The following PKHD1L1 variants were observed in gnomAD, a reference collection of about 807,000 sequenced individuals.
PKHD1L1 encodes the protein PKHD1 like 1, also known as fibrocystin-L.
In PKHD1L1, 434 loss-of-function variants were observed where a neutral mutation model predicts 462.9. That is an observed-to-expected ratio of 0.94 (90% CI 0.87 to 1.02). The LOEUF (loss-of-function observed/expected upper bound fraction) is 1.02. PKHD1L1 is among the 50% of genes least tolerant of loss of function. PKHD1L1 has a pLI of 0.00. For missense variants in PKHD1L1, 5,202 were observed against 5,096.1 expected (o/e 1.02, Z -0.63); for synonymous variants, 1,781 against 1,750.0 (o/e 1.02, Z -0.44).
intron 2 of PKHD1L1, among the ~76,000 whole-genome samples, chr8:109,377,568 A>C (rs1251975092): frequency 6.6e-6 from 1 of 152,192 alleles, no homozygotes; most frequent in Non-Finnish European, 1.5e-5. Context: ...ATAGAGAAAA[A>C]TAATATTTAA....
In PKHD1L1 at chr8:109,443,678, G is replaced by A. The variant is rs2130750722; in HGVS notation, c.4567G>A (p.Gly1523Arg). 4 of 1,609,848 alleles carry A rather than the reference G, an allele frequency of 2.5e-6. No homozygotes were observed. Among genetic ancestry groups the A allele is most frequent in the Non-Finnish European group, 3.4e-6 (4 of 1,178,230 alleles). ...GRSEATYAYG[G>R]PENLHLGSSV... is the part of the protein sequence containing the mutation. ...ACGGGCAGTTCTTTTGTCTAAAGGA[G>A]GACCTGAGAATTTGCACTTGGGAAG... The change falls in exon 37 of 78, where the codon GGA becomes AGA. Residue 1523 changes from glycine to arginine, a missense_variant and splice_region_variant. Coordinates refer to ENST00000378402, the MANE Select transcript of PKHD1L1 (RefSeq NM_177531.6).
chr8:109,398,046 C>T (rs1419581795), intron 11 of PKHD1L1, among the ~76,000 whole-genome samples: 1 of 151,862 alleles, frequency 6.6e-6, no homozygotes, highest in Non-Finnish European at 1.5e-5. Flanking sequence ...TGGACTAAGC[C>T]AGCACTTTTT....
In PKHD1L1 at chr8:109,451,132, C is replaced by G. The variant is rs1447235911; in HGVS notation, c.6333C>G (p.Val2111=). 6.2e-7 allele frequency: 1 copy of G among 1,609,036 alleles called. No individual in the cohort carries two copies. Among genetic ancestry groups the G allele is most frequent in the Non-Finnish European group, 8.5e-7 (1 of 1,177,134 alleles). The part of the protein sequence containing the change: ...GSTAGGTRLT[V]VGSGFSENME... ...CAGCAGGGGGCACCAGACTGACAGTCGTGGGATCAGGATTCAGGTACTGTC... is the reference window on the plus strand; with the variant it reads ...CAGCAGGGGGCACCAGACTGACAGTGGTGGGATCAGGATTCAGGTACTGTC... Residue 2111 remains valine (V), a synonymous_variant, in exon 41 of 78, where the codon GTC becomes GTG. Transcript: ENST00000378402.
intron 59 of PKHD1L1, among the ~76,000 whole-genome samples, chr8:109,489,645 C>A (rs1818729241): frequency 6.6e-6 from 1 of 151,422 alleles, no homozygotes; most frequent in South Asian, 2.1e-4. Context: ...GAGGTGGGGG[C>A]AAAAAACGTA....
intron 19 of PKHD1L1, among the ~76,000 whole-genome samples, chr8:109,410,481 G>A (rs1004264165): frequency 6.6e-6 from 1 of 151,942 alleles, no homozygotes; most frequent in African/African-American, 2.4e-5. Flanking sequence ...AGAGAAGAGA[G>A]TGGGGCGGTG....
intron 29 of PKHD1L1, among the ~76,000 whole-genome samples, chr8:109,435,582 A>G (rs561929161): frequency 1.6e-4 from 24 of 152,322 alleles, no homozygotes; most frequent in Non-Finnish European, 2.9e-4. Flanking sequence ...TTATTGAATT[A>G]ATATCATCAA....
At chr8:109,372,322 T>C (rs1208131216) in intron 2 of PKHD1L1, among the ~76,000 whole-genome samples, 2 of 152,214 alleles carry the variant, frequency 1.3e-5, no homozygotes. Flanking sequence ...TATTGGTGTA[T>C]AACAATGCTT....
In PKHD1L1 at chr8:109,423,317, T is replaced by A. The variant is rs150105520; in HGVS notation, c.2698-1768T>A. Among the ~76,000 whole-genome samples the A allele has an allele frequency of 1.6e-4, 25 of 152,308 alleles. 1 individual carries two copies. The highest frequency in any genetic ancestry group is 1.4e-3 in the Admixed American group (22 of 15,298). On this transcript the variant is annotated intron_variant, in intron 23 of 77. Transcript: ENST00000378402. ...TTTGTGTTAATTTTTACATGTAAGA[T>A]GTGATTTTTCGTTGAGGTTCATTTG...
chr8:109,403,710 T>C (rs1342424539), intron 14 of PKHD1L1, among the ~76,000 whole-genome samples: 1 of 152,058 alleles, frequency 6.6e-6, no homozygotes, highest in East Asian at 1.9e-4. Context: ...AACCCTATCA[T>C]TCTACACATA....
intron 50 of PKHD1L1, among the ~76,000 whole-genome samples, chr8:109,469,299 A>C (rs139522828): frequency 1.3e-5 from 2 of 152,226 alleles, no homozygotes; most frequent in African/African-American, 4.8e-5. Flanking sequence ...CCCTGAAAAG[A>C]TGAAGGGAAG....
At chr8:109,472,904 AT>A (rs1230272752) in intron 50 of PKHD1L1, among the ~76,000 whole-genome samples, 2 of 152,100 alleles carry the variant, frequency 1.3e-5, no homozygotes, top group African/African-American at 4.8e-5. Flanking sequence ...GTTTGCTATA[AT>A]TTTACACACG....
chr8:109,371,485 C>T (rs897286078), intron 2 of PKHD1L1, among the ~76,000 whole-genome samples: 16 of 150,342 alleles, frequency 1.1e-4, no homozygotes, highest in African/African-American at 2.9e-4. Flanking sequence ...GTTTCTTTTG[C>T]TGTGCAGAAG....
chr8:109,369,624 A>AATATATAT (rs35538975), intron 2 of PKHD1L1, among the ~76,000 whole-genome samples: 3 of 149,052 alleles, frequency 2.0e-5, no homozygotes, highest in African/African-American at 7.4e-5. Context: ...CTGATAGGAA[A>AATATATAT]ATATATATAT....
intron 53 of PKHD1L1, among the ~76,000 whole-genome samples, chr8:109,478,508 AG>A (rs1818113061): frequency 6.6e-6 from 1 of 152,092 alleles, no homozygotes; most frequent in African/African-American, 2.4e-5. Flanking sequence ...TGGGGTGGTT[AG>A]GAACACCCTC....
In PKHD1L1 at chr8:109,498,521, T is replaced by C. The variant is rs1445024559; in HGVS notation, c.10659T>C (p.Asp3553=). The C allele has an allele frequency of 6.2e-7, 1 of 1,613,880 alleles. No homozygotes were observed. Among genetic ancestry groups the C allele is most frequent in the Non-Finnish European group, 8.5e-7 (1 of 1,179,734 alleles). ...GFNCSDVLTN[D]DPNIELTAAH... ...ATTGCTCTGATGTCCTAACTAATGA[T>C]GATCCTAATATTGAACTCACTGCTG... The change falls in exon 66 of 78, where the codon GAT becomes GAC. Residue 3553 remains aspartate (D), a synonymous_variant. Transcript: ENST00000378402.
Position 109,461,922 on chromosome 8 carries a change from T to C in PKHD1L1, c.7383+14T>C, listed in dbSNP as rs372042183. 9.3e-5 allele frequency: 147 copies of C among 1,588,544 alleles called. No homozygotes were observed. The highest frequency in any genetic ancestry group is 1.8e-4 in the South Asian group (16 of 86,788). ...GAATATGTAGAGGTGAGAGGCATTA[T>C]TACTAAATCACAGTGGTTTGCTCAA... On this transcript the variant is annotated intron_variant, in intron 48 of 77. Transcript: ENST00000378402.
Position 109,523,376 on chromosome 8 carries a change from C to T in PKHD1L1, c.12474C>T (p.Pro4158=). Residue 4158 remains proline, a synonymous_variant, in exon 76 of 78, where the codon CCC becomes CCT. Transcript: ENST00000378402. ...GGGCCAACTACACAGACCTTACTCC[C>T]CTTAGAACAGGTGGGTGCACTATTT... The part of the protein sequence containing the change: ...SCWANYTDLT[P]LRTGKNYKIE... 1 of 1,611,924 alleles carries T rather than the reference C, an allele frequency of 6.2e-7. No homozygotes were observed. The highest frequency in any genetic ancestry group is 8.5e-7 in the Non-Finnish European group (1 of 1,178,630).
At position 109,447,498 on chromosome 8, in the gene PKHD1L1, C is replaced by T. The variant is rs149303429; in HGVS notation, c.5777-645C>T. Among the ~76,000 whole-genome samples the T allele has an allele frequency of 9.1e-4, 139 of 152,198 alleles. 2 individuals are homozygous for T. The East Asian group carries it at 0.025, about 27-fold the overall frequency. On this transcript the variant is annotated intron_variant, in intron 38 of 77. Coordinates refer to ENST00000378402, the MANE Select transcript of PKHD1L1 (RefSeq NM_177531.6). Reference sequence around the variant, plus strand: ...CTATGAAAAGTTCCACGTTTAATGCCCTTCACGTACATTTGTCAAAAGAGG... The same window carrying T: ...CTATGAAAAGTTCCACGTTTAATGCTCTTCACGTACATTTGTCAAAAGAGG...
intron 72 of PKHD1L1, among the ~76,000 whole-genome samples, chr8:109,517,110 T>A (rs538514962): frequency 6.6e-6 from 1 of 152,236 alleles, no homozygotes; most frequent in Admixed American, 6.5e-5. Context: ...TGTAAAGAAT[T>A]GATAATGTAG....
Sources: allele counts gnomAD v4.1 joint callset (sites outside exome capture counted in the v4.1 genomes callset), GRCh38; gene constraint gnomAD v4.1.1; transcripts MANE v1.5; gene names NCBI Gene and HGNC (gene_info 2026-07-23, HGNC 2026-07-21).